Variants in ATP7A observed in about 807,000 individuals in gnomAD.
The protein encoded by ATP7A is ATPase copper transporting alpha.
In ATP7A, 7 loss-of-function variants were observed where a neutral mutation model predicts 83.5. The ratio of observed to expected loss-of-function variants is 0.08; its 90% confidence interval spans 0.05 to 0.16. The LOEUF is 0.16. Among genes scored for constraint, ATP7A ranks in the 10% least tolerant of loss-of-function variants. The pLI is 1.00. For missense variants in ATP7A, 940 were observed against 1,120.8 expected (o/e 0.84, Z 2.30); for synonymous variants, 354 against 395.2 (o/e 0.90, Z 1.24).
At chrX:77,946,513 A>G (rs1316440784) in intron 1 of ATP7A, among the ~76,000 whole-genome samples, 1 of 110,117 alleles carries the variant, frequency 9.1e-6, no homozygotes, top group East Asian at 2.8e-4. Flanking sequence ...ATATATAACA[A>G]CCAGTTCTTG....
chrX:77,969,128 T>C lies in ATP7A; in HGVS notation c.-21-2493T>C, dbSNP rs367986510. The C allele has an allele frequency of 4.1e-6, 5 of 1,211,710 alleles. No individual in the cohort carries two copies. The Admixed American group carries it at 8.7e-5, about 21-fold the overall frequency. ...TTCCCCTCCTTGATCTGGGGAACTA[T>C]TTCTTCATTCCAGAAGGGCAGAGCT... On this transcript the variant is annotated intron_variant, in intron 1 of 22. Transcript: ENST00000341514.
chrX:78,022,864 T>G (rs1207829550), intron 14 of ATP7A, among the ~76,000 whole-genome samples: 1 of 110,541 alleles, frequency 9.0e-6, no homozygotes, highest in African/African-American at 3.3e-5. Flanking sequence ...GATGCTGGGG[T>G]TTAGGCTTAT....
At chrX:77,948,723 A>G (rs1214046428) in intron 1 of ATP7A, among the ~76,000 whole-genome samples, 1 of 111,045 alleles carries the variant, frequency 9.0e-6, no homozygotes, top group Admixed American at 9.6e-5. Context: ...TTGTTCTGTG[A>G]TATGGTCCAG....
At chrX:78,031,732 T>C in intron 16 of ATP7A, 150 bp downstream of exon 16, 1 of 604,691 alleles carries the variant, frequency 1.7e-6, no homozygotes, top group Non-Finnish European at 2.7e-6. Context: ...GTATGTAACT[T>C]ATTTCTTCAT....
At chrX:77,980,755 G>A (rs1378900427) in intron 2 of ATP7A, among the ~76,000 whole-genome samples, 2 of 110,595 alleles carry the variant, frequency 1.8e-5, no homozygotes, top group Non-Finnish European at 3.8e-5. Flanking sequence ...TGCAACCTCC[G>A]CCACCCGGGT....
intron 1 of ATP7A, chrX:77,969,092 T>G: frequency 8.3e-7 from 1 of 1,211,664 alleles, no homozygotes; most frequent in Non-Finnish European, 1.1e-6. Flanking sequence ...TGGGCTGCAA[T>G]CAGTACACGT....
chrX:77,916,354 C>CA (rs782551060), intron 1 of ATP7A, among the ~76,000 whole-genome samples: 1,145 of 31,970 alleles, frequency 0.036, 11 homozygotes, highest in African/African-American at 0.074. Context: ...GACCCTGTCT[C>CA]AAAAAAAAAA....
chrX:77,911,837 G>C (rs375593168), intron 1 of ATP7A, among the ~76,000 whole-genome samples: 9 of 111,865 alleles, frequency 8.0e-5, no homozygotes, highest in African/African-American at 2.9e-4. Context: ...CCAGCTAGTC[G>C]GGAGACTGAG....
intron 2 of ATP7A, among the ~76,000 whole-genome samples, chrX:77,986,847 T>TC (rs1420426170): frequency 5.4e-5 from 6 of 111,922 alleles, no homozygotes; most frequent in Non-Finnish European, 1.1e-4. Flanking sequence ...CCACACTGCC[T>TC]CCAGAATGAT....
chrX:77,919,140 T>C (rs1318798011), intron 1 of ATP7A, among the ~76,000 whole-genome samples: 1 of 112,248 alleles, frequency 8.9e-6, no homozygotes, highest in East Asian at 2.8e-4. Context: ...TAATATTCTT[T>C]TCAGATATAT....
chrX:77,980,455 TAAATA>T (rs2077598666), intron 2 of ATP7A, among the ~76,000 whole-genome samples: 2 of 109,548 alleles, frequency 1.8e-5, no homozygotes, highest in Admixed American at 9.8e-5. Context: ...AAAAAGTAAA[TAAATA>T]AAATAAAATA....
intron 4 of ATP7A, among the ~76,000 whole-genome samples, chrX:77,991,749 C>T (rs1268876704): frequency 2.7e-5 from 3 of 110,637 alleles, no homozygotes; most frequent in African/African-American, 9.9e-5. Flanking sequence ...TGGCCTGGTA[C>T]GGTAGCTCAC....
intron 1 of ATP7A, among the ~76,000 whole-genome samples, chrX:77,911,453 C>T (rs2077159343): frequency 9.0e-6 from 1 of 111,591 alleles, no homozygotes; most frequent in African/African-American, 3.3e-5. Flanking sequence ...CAGCGTTTGT[C>T]CAGGATCTGA....
chrX:77,992,155 C>T (rs1315213154), intron 4 of ATP7A, among the ~76,000 whole-genome samples: 1 of 108,567 alleles, frequency 9.2e-6, no homozygotes, highest in Non-Finnish European at 1.9e-5. Flanking sequence ...ACCTTGGCCT[C>T]CCAGGTTCAG....
At chrX:77,932,501 G>T (rs1557224616) in intron 1 of ATP7A, among the ~76,000 whole-genome samples, 1 of 112,611 alleles carries the variant, frequency 8.9e-6, no homozygotes, top group Admixed American at 9.3e-5. Context: ...CCCAGACGGG[G>T]TGGCGGCCGG....
At chrX:77,993,549 G>T (rs886707124) in intron 4 of ATP7A, among the ~76,000 whole-genome samples, 6 of 111,812 alleles carry the variant, frequency 5.4e-5, no homozygotes, top group Non-Finnish European at 1.1e-4. Flanking sequence ...CCAGAAATTT[G>T]ATTGAAGGCA....
chrX:77,938,508 C>G (rs1557225289), intron 1 of ATP7A, among the ~76,000 whole-genome samples: 1 of 112,381 alleles, frequency 8.9e-6, no homozygotes, highest in East Asian at 2.8e-4. Context: ...CCATCAGATG[C>G]CATACCACCC....
At chrX:77,969,122 G>C (rs141834933) in intron 1 of ATP7A, 39 of 1,209,989 alleles carry the variant, frequency 3.2e-5, no homozygotes, top group Non-Finnish European at 4.2e-5. Context: ...TTGATCTGGG[G>C]AACTATTTCT....
chrX:77,983,905 G>A (rs781902949), intron 2 of ATP7A, among the ~76,000 whole-genome samples: 118 of 110,791 alleles, frequency 1.1e-3, no homozygotes, highest in African/African-American at 3.6e-3. Context: ...GGCTGGTCTC[G>A]AACTCCTGGC....
Sources: gnomAD v4.1 joint callset for allele counts (sites outside exome capture counted in the v4.1 genomes callset) on GRCh38, gnomAD v4.1.1 for gene constraint, MANE v1.5 for transcripts, NCBI Gene and HGNC (gene_info 2026-07-23, HGNC 2026-07-21) for gene names.